Variants in THSD7B observed in about 807,000 individuals in gnomAD.
THSD7B encodes thrombospondin type-1 domain-containing protein 7B.
Under a neutral mutation model 213.6 loss-of-function variants are expected in THSD7B, and 138 were observed. The observed-to-expected ratio is 0.65, with a 90% CI of 0.56 to 0.74. The LOEUF (loss-of-function observed/expected upper bound fraction) is 0.74. Ranked by LOEUF, THSD7B falls within the 30% of genes least tolerant of loss-of-function variation. The pLI is 0.00. For missense variants in THSD7B, 1,931 were observed against 1,991.5 expected (o/e 0.97, Z 0.58); for synonymous variants, 742 against 687.0 (o/e 1.08, Z -1.25).
At chr2:137,498,996 G>A (rs1462335440) in intron 15 of THSD7B, among the ~76,000 whole-genome samples, 15 of 152,128 alleles carry the variant, frequency 9.9e-5, no homozygotes, top group Admixed American at 9.2e-4. Context: ...TCAGGAAGTG[G>A]GCAAGGAGGT....
Position 137,170,680 on chromosome 2 carries a change from T to A in THSD7B, c.1526-61T>A, listed in dbSNP as rs1034415736. 4.5e-6 allele frequency: 7 copies of A among 1,545,876 alleles called. No homozygotes were observed. The Admixed American group carries it at 7.4e-5, about 16-fold the overall frequency. On this transcript the variant is annotated intron_variant, in intron 6 of 27. Coordinates refer to ENST00000409968, the MANE Select transcript of THSD7B (RefSeq NM_001316349.2). The stretch of plus-strand genomic sequence containing the variant: ...AACTTTTCATCTCTCACCCAGCTGC[T>A]TCTTTTCCTTTCCTGGAAAAGAGTG...
At chr2:137,271,118 G>A (rs1682722449) in intron 10 of THSD7B, among the ~76,000 whole-genome samples, 1 of 151,316 alleles carries the variant, frequency 6.6e-6, no homozygotes, top group Non-Finnish European at 1.5e-5. Context: ...TTCTTGATAT[G>A]GGTAGGTCTA....
intron 15 of THSD7B, among the ~76,000 whole-genome samples, chr2:137,528,571 G>C (rs1004744409): frequency 6.6e-6 from 1 of 151,980 alleles, no homozygotes; most frequent in African/African-American, 2.4e-5. Flanking sequence ...AAATTAATCT[G>C]TTTGTAATCA....
intron 7 of THSD7B, among the ~76,000 whole-genome samples, chr2:137,206,812 T>C (rs531106049): frequency 1.1e-4 from 17 of 152,190 alleles, no homozygotes; most frequent in African/African-American, 3.9e-4. Context: ...GTACTTCAGC[T>C]TAAATGAATG....
intron 12 of THSD7B, among the ~76,000 whole-genome samples, chr2:137,347,417 T>C (rs1417009774): frequency 1.3e-5 from 2 of 151,778 alleles, no homozygotes; most frequent in East Asian, 1.9e-4. Flanking sequence ...TTTATAGTTA[T>C]GGAAGATTTG....
At chr2:137,246,251 G>A (rs1682033925) in intron 10 of THSD7B, among the ~76,000 whole-genome samples, 1 of 152,190 alleles carries the variant, frequency 6.6e-6, no homozygotes, top group Non-Finnish European at 1.5e-5. Context: ...ATGGCTTCAG[G>A]TTGGGTCATC....
chr2:137,545,460 A>T (rs1024160453), intron 15 of THSD7B, among the ~76,000 whole-genome samples: 2 of 151,848 alleles, frequency 1.3e-5, no homozygotes, highest in African/African-American at 4.8e-5. Context: ...ATAAAGGATC[A>T]CTTCACCCAT....
intron 1 of THSD7B, among the ~76,000 whole-genome samples, chr2:136,851,930 C>A (rs1360786193): frequency 6.4e-5 from 2 of 31,046 alleles, no homozygotes; most frequent in Non-Finnish European, 1.6e-4. Flanking sequence ...ATTCAATACA[C>A]AACTATATAT....
intron 2 of THSD7B, among the ~76,000 whole-genome samples, chr2:137,019,956 A>G (rs1463769012): frequency 6.6e-6 from 1 of 152,170 alleles, no homozygotes; most frequent in Non-Finnish European, 1.5e-5. Context: ...TCCTCTGTTT[A>G]CTTGTCTGTA....
At chr2:137,396,823 A>G (rs1686204026) in intron 12 of THSD7B, among the ~76,000 whole-genome samples, 1 of 151,690 alleles carries the variant, frequency 6.6e-6, no homozygotes, top group Non-Finnish European at 1.5e-5. Flanking sequence ...GTCAGTTAGG[A>G]CTTGCTTTAT....
intron 2 of THSD7B, among the ~76,000 whole-genome samples, chr2:136,993,685 AAAC>A (rs987534946): frequency 2.0e-5 from 3 of 152,228 alleles, no homozygotes; most frequent in African/African-American, 4.8e-5. Flanking sequence ...TTCACGTGAA[AAAC>A]AACAACAAGA....
chr2:137,519,216 C>A (rs1418286465), intron 15 of THSD7B, among the ~76,000 whole-genome samples: 1 of 149,044 alleles, frequency 6.7e-6, no homozygotes, highest in East Asian at 2.0e-4. Context: ...TGCGCCACTG[C>A]ACTCTAGCCT....
chr2:137,620,548 G>C (rs1682499203), intron 19 of THSD7B, 61 bp from the exon 20 acceptor site: 3 of 1,303,990 alleles, frequency 2.3e-6, no homozygotes, highest in Admixed American at 3.5e-5. Context: ...CCCATGAAAG[G>C]ACAGTGATTT....
intron 7 of THSD7B, among the ~76,000 whole-genome samples, chr2:137,186,423 C>A (rs1003541501): frequency 6.6e-6 from 1 of 152,096 alleles, no homozygotes; most frequent in Admixed American, 6.6e-5. Flanking sequence ...GGTAAGGGTT[C>A]AGTTTTATTC....
At chr2:137,327,332 G>A (rs1400039480) in intron 12 of THSD7B, among the ~76,000 whole-genome samples, 5 of 152,080 alleles carry the variant, frequency 3.3e-5, no homozygotes, top group African/African-American at 7.2e-5. Context: ...TTAGCTTTGA[G>A]TTTTTACTGT....
chr2:136,970,849 G>T (rs1362928904), intron 2 of THSD7B, among the ~76,000 whole-genome samples: 1 of 152,198 alleles, frequency 6.6e-6, no homozygotes, highest in East Asian at 1.9e-4. Flanking sequence ...TGGGAATAAA[G>T]ATGGCATTGG....
chr2:137,404,638 T>C (rs920023454), intron 12 of THSD7B, among the ~76,000 whole-genome samples: 1 of 150,738 alleles, frequency 6.6e-6, no homozygotes, highest in African/African-American at 2.4e-5. Flanking sequence ...TCGTATATAG[T>C]GTATATATAA....
intron 12 of THSD7B, among the ~76,000 whole-genome samples, chr2:137,392,592 G>A (rs1252270323): frequency 6.6e-6 from 1 of 151,960 alleles, no homozygotes; most frequent in African/African-American, 2.4e-5. Flanking sequence ...CTGTTTGCAT[G>A]GAATATCTTT....
chr2:137,004,189 T>C (rs1686057409), intron 2 of THSD7B, among the ~76,000 whole-genome samples: 1 of 152,130 alleles, frequency 6.6e-6, no homozygotes, highest in South Asian at 2.1e-4. Context: ...GGCACAAAGA[T>C]GGCATTCTGT....
Sources: gnomAD v4.1 joint callset for allele counts (sites outside exome capture counted in the v4.1 genomes callset) on GRCh38, gnomAD v4.1.1 for gene constraint, MANE v1.5 for transcripts, NCBI Gene and HGNC (gene_info 2026-07-23, HGNC 2026-07-21) for gene names.